The following ECT2L variants were observed in gnomAD, a reference collection of about 807,000 sequenced individuals.
ECT2L encodes epithelial cell transforming 2 like.
Under a neutral mutation model 122.8 loss-of-function variants are expected in ECT2L, and 126 were observed. The ratio of observed to expected loss-of-function variants is 1.03; its 90% CI spans 0.89 to 1.19. The LOEUF is 1.19. Ranked by LOEUF, ECT2L falls within the 50% of genes most tolerant of loss-of-function variation. The pLI, the probability that ECT2L is intolerant of heterozygous loss-of-function variation, is 0.00. For synonymous variants in ECT2L, 385 were observed against 381.8 expected (o/e 1.01, Z -0.10); for missense variants, 1,012 against 1,064.1 (o/e 0.95, Z 0.68).
intron 5 of ECT2L, among the ~76,000 whole-genome samples, chr6:138,840,061 ATATACTG>A (rs1776983170): frequency 6.6e-6 from 1 of 152,196 alleles, no homozygotes; most frequent in Non-Finnish European, 1.5e-5. Context: ...TATATGTACT[ATATACTG>A]TATTCTTCAA....
chr6:138,820,431 A>T (rs536493554), intron 4 of ECT2L, among the ~76,000 whole-genome samples: 2 of 152,384 alleles, frequency 1.3e-5, no homozygotes, highest in Non-Finnish European at 2.9e-5. Flanking sequence ...CCGAGGACCA[A>T]AGTAAATGGT....
At chr6:138,819,018 G>A (rs1354404435) in intron 4 of ECT2L, among the ~76,000 whole-genome samples, 1 of 152,096 alleles carries the variant, frequency 6.6e-6, no homozygotes, top group East Asian at 1.9e-4. Flanking sequence ...GAGGAGAGGG[G>A]AGTATTCAAA....
rs1779438141 is a variant in ECT2L at position 138,902,519 on chromosome 6, T to C, written c.2607T>C (p.Ile869=). The change falls in exon 22 of 22, where the codon ATT becomes ATC. Residue 869 remains isoleucine, a synonymous_variant. Transcript: ENST00000541398. ...PDSKYVKNAF[I]LQGPKYKWIC... ...TTACAGATGTCAAGAATGCATTTAT[T>C]CTTCAGGGTCCAAAATATAAATGGA... 27 of 1,613,516 alleles carry C rather than the reference T, an allele frequency of 1.7e-5. No individual in the cohort carries two copies. The highest frequency in any genetic ancestry group is 2.3e-5 in the Non-Finnish European group (27 of 1,179,622).
intron 20 of ECT2L, among the ~76,000 whole-genome samples, chr6:138,896,408 T>C (rs993079242): frequency 1.3e-5 from 2 of 152,216 alleles, no homozygotes; most frequent in Admixed American, 1.3e-4. Context: ...AAAGATACAC[T>C]GTAAACTTTC....
chr6:138,797,581 C>T (rs1282970841), intron 1 of ECT2L, among the ~76,000 whole-genome samples: 2 of 151,956 alleles, frequency 1.3e-5, no homozygotes, highest in African/African-American at 2.4e-5. Context: ...ATTTAGCTCT[C>T]TATATGGGCT....
At chr6:138,879,974 A>AT (rs1280703221) in intron 14 of ECT2L, among the ~76,000 whole-genome samples, 5 of 130,466 alleles carry the variant, frequency 3.8e-5, no homozygotes, top group Non-Finnish European at 8.9e-5. Flanking sequence ...ATAAAATAAA[A>AT]TAAATAAATA....
At chr6:138,808,509 T>C (rs1218083293) in intron 1 of ECT2L, among the ~76,000 whole-genome samples, 1 of 152,152 alleles carries the variant, frequency 6.6e-6, no homozygotes, top group African/African-American at 2.4e-5. Context: ...TCTGCCCATA[T>C]TGGATTTTTA....
chr6:138,826,454 G>T (rs148186112), intron 4 of ECT2L, among the ~76,000 whole-genome samples: 3 of 152,100 alleles, frequency 2.0e-5, no homozygotes, highest in South Asian at 4.2e-4. Flanking sequence ...TTGGGAGGCC[G>T]AGGCGGGAGG....
At chr6:138,872,189 A>G (rs1434116198) in intron 13 of ECT2L, among the ~76,000 whole-genome samples, 1 of 152,144 alleles carries the variant, frequency 6.6e-6, no homozygotes, top group Admixed American at 6.5e-5. Flanking sequence ...AGCCCTTTAC[A>G]GGTTGAAGCC....
chr6:138,856,111 G>A (rs950475972), intron 10 of ECT2L, among the ~76,000 whole-genome samples: 88 of 146,442 alleles, frequency 6.0e-4, no homozygotes, highest in African/African-American at 2.1e-3. Flanking sequence ...TCTTAGGCTT[G>A]TCAGCCCAGT....
intron 1 of ECT2L, among the ~76,000 whole-genome samples, chr6:138,800,372 G>T (rs190146000): frequency 1.3e-5 from 2 of 152,286 alleles, no homozygotes; most frequent in East Asian, 3.9e-4. Flanking sequence ...GATGGAAAAT[G>T]GTTGAGAGTT....
At chr6:138,833,384 A>G (rs543920203) in intron 4 of ECT2L, among the ~76,000 whole-genome samples, 1 of 152,174 alleles carries the variant, frequency 6.6e-6, no homozygotes, top group Non-Finnish European at 1.5e-5. Flanking sequence ...CCTTAGACAT[A>G]TCTTTAATCA....
intron 1 of ECT2L, among the ~76,000 whole-genome samples, chr6:138,797,743 C>T (rs1443734376): frequency 1.3e-5 from 2 of 152,194 alleles, no homozygotes; most frequent in African/African-American, 2.4e-5. Flanking sequence ...TTCCCACCGA[C>T]AACCAATTCT....
intron 4 of ECT2L, 26 bp from the exon 5 acceptor site, chr6:138,838,326 T>TA (rs1277440645): frequency 6.4e-7 from 1 of 1,559,392 alleles, no homozygotes; most frequent in Admixed American, 2.1e-5. Flanking sequence ...ATTAGTGTTC[T>TA]AAACTAAATT....
At chr6:138,841,931 T>C (rs1777053336) in intron 5 of ECT2L, among the ~76,000 whole-genome samples, 1 of 152,222 alleles carries the variant, frequency 6.6e-6, no homozygotes, top group African/African-American at 2.4e-5. Flanking sequence ...TTATTCTCAA[T>C]GAGAGGGTTA....
chr6:138,801,302 A>G (rs143604584), intron 1 of ECT2L, among the ~76,000 whole-genome samples: 322 of 152,264 alleles, frequency 2.1e-3, no homozygotes, highest in Non-Finnish European at 3.3e-3. Context: ...CCTGGTCTAT[A>G]TGCCTTATGT....
chr6:138,811,140 T>C (rs1405343227), intron 1 of ECT2L, among the ~76,000 whole-genome samples: 2 of 152,224 alleles, frequency 1.3e-5, no homozygotes, highest in Non-Finnish European at 2.9e-5. Flanking sequence ...GTGGCTTCCC[T>C]CTGGTGTGCC....
intron 13 of ECT2L, among the ~76,000 whole-genome samples, chr6:138,871,892 C>T (rs970306535): frequency 1.1e-4 from 17 of 152,210 alleles, no homozygotes; most frequent in Middle Eastern, 3.4e-3. Context: ...TTACTTTAAT[C>T]CTCCCCTCCC....
At chr6:138,801,505 AC>A (rs1775541418) in intron 1 of ECT2L, among the ~76,000 whole-genome samples, 1 of 152,142 alleles carries the variant, frequency 6.6e-6, no homozygotes. Context: ...TAATCCCAGC[AC>A]TTTGGGAGGC....
Sources: allele counts gnomAD v4.1 joint callset (sites outside exome capture counted in the v4.1 genomes callset), GRCh38; gene constraint gnomAD v4.1.1; transcripts MANE v1.5; gene names NCBI Gene and HGNC (gene_info 2026-07-23, HGNC 2026-07-21).